MAP4K3: variants seen among roughly 807,000 people sequenced by gnomAD.
MAP4K3 encodes the protein MAPK/ERK kinase kinase kinase 3.
In MAP4K3, 94 loss-of-function variants were observed where a neutral mutation model predicts 143.5. The ratio of observed to expected loss-of-function variants is 0.65; its 90% confidence interval spans 0.55 to 0.78. The LOEUF (loss-of-function observed/expected upper bound fraction) is 0.78. Ranked by LOEUF, MAP4K3 falls within the 30% of genes least tolerant of loss-of-function variation. The probability of loss-of-function intolerance (pLI) is 0.00; values close to 1 mark genes in which losing one functional copy is unlikely to be tolerated. For synonymous variants in MAP4K3, 416 were observed against 347.2 expected (o/e 1.20, Z -2.20); for missense variants, 1,077 against 1,068.1 (o/e 1.01, Z -0.12).
Position 39,324,388 on chromosome 2 carries a change from T to G in MAP4K3, c.918+1130A>C, listed in dbSNP as rs577696517. On this transcript the variant is annotated intron_variant, in intron 12 of 33. Coordinates refer to ENST00000263881, the MANE Select transcript of MAP4K3 (RefSeq NM_003618.4). Reference sequence around the variant, plus strand: ...TGCCATTGCACTCCAGCCTGGGTAATAGAGTAAGACTCATCTCAAAAAAAA... The same window carrying G: ...TGCCATTGCACTCCAGCCTGGGTAAGAGAGTAAGACTCATCTCAAAAAAAA... Among the ~76,000 whole-genome samples, 141 of 151,780 alleles carry G rather than the reference T, an allele frequency of 9.3e-4. 1 individual carries two copies. Among genetic ancestry groups the G allele is most frequent in the African/African-American group, 3.0e-3 (126 of 41,384 alleles).
intron 1 of MAP4K3, among the ~76,000 whole-genome samples, chr2:39,432,850 A>G (rs1000000766): frequency 2.6e-5 from 4 of 152,206 alleles, no homozygotes; most frequent in East Asian, 1.9e-4. Context: ...TGTGAATCCT[A>G]CCTGGAAGCT....
At chr2:39,340,314 G>A (rs565931660) in intron 4 of MAP4K3, among the ~76,000 whole-genome samples, 15 of 152,246 alleles carry the variant, frequency 9.9e-5, no homozygotes, top group African/African-American at 3.1e-4. Flanking sequence ...ACATTGCCAC[G>A]AAAAGGTTAT....
At chr2:39,253,349 G>C (rs1327404334) in intron 32 of MAP4K3, among the ~76,000 whole-genome samples, 1 of 152,146 alleles carries the variant, frequency 6.6e-6, no homozygotes, top group Non-Finnish European at 1.5e-5. Context: ...GGCCAGGCTG[G>C]TTTTGATCTC....
chr2:39,256,422 T>C (rs1437319405), intron 31 of MAP4K3, among the ~76,000 whole-genome samples: 1 of 152,190 alleles, frequency 6.6e-6, no homozygotes, highest in Non-Finnish European at 1.5e-5. Flanking sequence ...CATTCCTTTC[T>C]ATTCCCAATT....
chr2:39,281,672 G>GT (rs1454630525), intron 22 of MAP4K3, among the ~76,000 whole-genome samples: 1 of 152,072 alleles, frequency 6.6e-6, no homozygotes, highest in South Asian at 2.1e-4. Flanking sequence ...CAAGCCTGAG[G>GT]TAAGTGTTTT....
At chr2:39,401,302 CAG>C (rs1241706199) in intron 1 of MAP4K3, among the ~76,000 whole-genome samples, 1 of 152,120 alleles carries the variant, frequency 6.6e-6, no homozygotes, top group Non-Finnish European at 1.5e-5. Flanking sequence ...AGGCCTAGAG[CAG>C]AGTCACCAGA....
intron 4 of MAP4K3, 128 bp downstream of exon 4, chr2:39,343,260 T>G: frequency 1.8e-6 from 1 of 569,400 alleles, no homozygotes; most frequent in South Asian, 3.4e-5. Context: ...TACCTTTATA[T>G]AGCCAAACAA....
intron 3 of MAP4K3, among the ~76,000 whole-genome samples, chr2:39,354,824 G>A (rs978218008): frequency 1.3e-5 from 2 of 152,180 alleles, no homozygotes; most frequent in African/African-American, 4.8e-5. Context: ...AGTCTTTTCT[G>A]TTGTGCCCAA....
At chr2:39,262,957 T>G (rs1680625118) in intron 28 of MAP4K3, among the ~76,000 whole-genome samples, 2 of 151,718 alleles carry the variant, frequency 1.3e-5, no homozygotes, top group South Asian at 4.2e-4. Flanking sequence ...ATACAAAAAT[T>G]AGCTGGGTGT....
chr2:39,411,769 G>T (rs1378594673), intron 1 of MAP4K3, among the ~76,000 whole-genome samples: 1 of 152,160 alleles, frequency 6.6e-6, no homozygotes, highest in Non-Finnish European at 1.5e-5. Flanking sequence ...TGAAAAAAAT[G>T]TGACGATCTG....
At chr2:39,330,633 GAAAACA>G (rs575340764) in intron 8 of MAP4K3, among the ~76,000 whole-genome samples, 1 of 151,874 alleles carries the variant, frequency 6.6e-6, no homozygotes, top group Non-Finnish European at 1.5e-5. Context: ...ATTATTCTAG[GAAAACA>G]AAAACAAAAA....
chr2:39,374,107 A>G (rs1558673413), intron 2 of MAP4K3, among the ~76,000 whole-genome samples: 1 of 152,166 alleles, frequency 6.6e-6, no homozygotes. Context: ...CACGAAAATT[A>G]AAAATGGCTC....
At chr2:39,411,698 T>C (rs79184650) in intron 1 of MAP4K3, among the ~76,000 whole-genome samples, 1 of 152,182 alleles carries the variant, frequency 6.6e-6, no homozygotes, top group Non-Finnish European at 1.5e-5. Flanking sequence ...AGTACTTTCA[T>C]GAGCACAGAA....
chr2:39,258,620 G>T (rs1462323646), intron 29 of MAP4K3, 33 bp from the exon 30 acceptor site: 1 of 1,407,026 alleles, frequency 7.1e-7, no homozygotes, highest in Admixed American at 1.7e-5. Context: ...TAAACCTACA[G>T]AAACTGTGAT....
intron 4 of MAP4K3, among the ~76,000 whole-genome samples, chr2:39,339,500 C>T (rs1558654977): frequency 1.3e-5 from 2 of 152,124 alleles, no homozygotes. Flanking sequence ...AATATTCTAG[C>T]TGTCTCTTAG....
rs574454057 is a variant in MAP4K3, at chr2:39,283,511, T to C, written c.1588-957A>G. The C allele has an allele frequency of 9.3e-4, 142 of 152,328 alleles. 1 individual carries two copies. The highest frequency in any genetic ancestry group is 3.1e-3 in the African/African-American group (127 of 41,568). 9.4% of individuals were successfully genotyped at this position (152,328 alleles called of 1,614,324 possible). On this transcript the variant is annotated intron_variant, in intron 21 of 33. Coordinates refer to ENST00000263881, the MANE Select transcript of MAP4K3 (RefSeq NM_003618.4). ...CTATTTGTTGGAGCTTTTAAAAATATATTCTAGGTTTGAGTATTTTATCTG... is the reference window on the plus strand; with the variant it reads ...CTATTTGTTGGAGCTTTTAAAAATACATTCTAGGTTTGAGTATTTTATCTG...
chr2:39,365,067 C>T (rs1665883192), intron 2 of MAP4K3, among the ~76,000 whole-genome samples: 1 of 152,116 alleles, frequency 6.6e-6, no homozygotes, highest in Non-Finnish European at 1.5e-5. Context: ...CAAGAGACGG[C>T]TTTGCAGGAC....
chr2:39,343,319 T>C (rs1665193362), intron 4 of MAP4K3, 69 bp downstream of exon 4: 1 of 1,032,136 alleles, frequency 9.7e-7, no homozygotes, highest in East Asian at 2.4e-5. Flanking sequence ...GTTGATGTTT[T>C]AATATAGTAA....
chr2:39,261,151 G>C (rs1451201642), intron 28 of MAP4K3: 1 of 162,806 alleles, frequency 6.1e-6, no homozygotes, highest in African/African-American at 2.4e-5. Context: ...ATACTCCTCT[G>C]CCTTCTTAAT....
Sources: gnomAD v4.1 joint callset for allele counts (sites outside exome capture counted in the v4.1 genomes callset) on GRCh38, gnomAD v4.1.1 for gene constraint, MANE v1.5 for transcripts, NCBI Gene and HGNC (gene_info 2026-07-23, HGNC 2026-07-21) for gene names.